METAP1D: variants seen among roughly 807,000 people sequenced by gnomAD.
METAP1D encodes methionyl aminopeptidase type 1D, mitochondrial, also known as methionine aminopeptidase 1D, mitochondrial.
METAP1D carries 31 observed loss-of-function variants against 40.5 expected under a neutral mutation model. That is an observed-to-expected ratio of 0.77 (90% confidence interval 0.58 to 1.03). The LOEUF is 1.03. Ranked by LOEUF, METAP1D falls within the 50% of genes least tolerant of loss-of-function variation. The probability of loss-of-function intolerance (pLI) is 0.00; values close to 1 mark genes in which losing one functional copy is unlikely to be tolerated. For missense variants in METAP1D, 411 were observed against 420.7 expected (o/e 0.98, Z 0.20); for synonymous variants, 151 against 146.4 (o/e 1.03, Z -0.22).
At chr2:172,001,773 A>G (rs1190600203) in intron 1 of METAP1D, among the ~76,000 whole-genome samples, 1 of 152,012 alleles carries the variant, frequency 6.6e-6, no homozygotes, top group African/African-American at 2.4e-5. Flanking sequence ...GCCTTGTGAA[A>G]AGACAGCCAA....
chr2:172,014,930 G>C (rs1036593120), intron 1 of METAP1D, among the ~76,000 whole-genome samples: 5 of 152,178 alleles, frequency 3.3e-5, no homozygotes, highest in African/African-American at 7.2e-5. Flanking sequence ...GGGATTACAG[G>C]CGTCAGCCAC....
At chr2:172,020,192 G>A (rs62183811) in intron 1 of METAP1D, among the ~76,000 whole-genome samples, 20,454 of 152,050 alleles carry the variant, frequency 0.13, 1,746 homozygotes, top group South Asian at 0.22. Flanking sequence ...TCACCATGTT[G>A]GCCAGGATGG....
At chr2:172,041,151 A>AAAAC (rs1263097750) in intron 1 of METAP1D, among the ~76,000 whole-genome samples, 2 of 152,046 alleles carry the variant, frequency 1.3e-5, no homozygotes, top group Non-Finnish European at 2.9e-5. Flanking sequence ...ATATAAAGCA[A>AAAAC]AAACAAACAA....
At chr2:172,040,540 TTAAGACATACTGC>T (rs2105433081) in intron 1 of METAP1D, among the ~76,000 whole-genome samples, 1 of 152,246 alleles carries the variant, frequency 6.6e-6, no homozygotes, top group South Asian at 2.1e-4. Context: ...TTCGAAAATT[TTAAGACATACTGC>T]TACTCCCAGG....
chr2:172,028,579 TG>T, intron 1 of METAP1D, among the ~76,000 whole-genome samples: 1 of 148,900 alleles, frequency 6.7e-6, no homozygotes, highest in South Asian at 2.1e-4. Flanking sequence ...TGTGTGTGTG[TG>T]TGTGTGTGTG....
chr2:172,069,165 T>C (rs1159079492), intron 5 of METAP1D, among the ~76,000 whole-genome samples: 1 of 152,050 alleles, frequency 6.6e-6, no homozygotes, highest in Non-Finnish European at 1.5e-5. Context: ...AATCCTCTCA[T>C]CCCAGCCTCC....
chr2:172,048,766 T>C (rs983145784), intron 1 of METAP1D, among the ~76,000 whole-genome samples: 6 of 152,236 alleles, frequency 3.9e-5, no homozygotes, highest in African/African-American at 1.4e-4. Flanking sequence ...TCAAATGTTT[T>C]ACACATCAAA....
At chr2:172,061,388 G>T in intron 1 of METAP1D, 110 bp from the exon 2 acceptor site, 2 of 938,188 alleles carry the variant, frequency 2.1e-6, no homozygotes, top group Non-Finnish European at 3.1e-6. Context: ...TCCTTTTTCA[G>T]TCAATAAGGT....
chr2:172,021,967 TAGTTTGC>T (rs1282020330), intron 1 of METAP1D: 1 of 152,274 alleles, frequency 6.6e-6, no homozygotes, highest in African/African-American at 2.4e-5. Flanking sequence ...TTCAACTTTG[TAGTTTGC>T]AGTTTGCATC....
intron 1 of METAP1D, among the ~76,000 whole-genome samples, chr2:172,041,727 TATATATATATATA>T (rs1410847352): frequency 1.4e-3 from 4 of 2,940 alleles, no homozygotes; most frequent in Non-Finnish European, 1.5e-3. Flanking sequence ...CTAATTATTT[TATATATATATATA>T]TATATATATA....
chr2:172,059,170 G>A (rs1433223453), intron 1 of METAP1D, among the ~76,000 whole-genome samples: 5 of 150,356 alleles, frequency 3.3e-5, no homozygotes, highest in African/African-American at 1.2e-4. Flanking sequence ...GTGCAGTGGC[G>A]CGATCTTGGC....
At chr2:172,065,071 A>T (rs1690220258) in intron 3 of METAP1D, among the ~76,000 whole-genome samples, 1 of 152,240 alleles carries the variant, frequency 6.6e-6, no homozygotes, top group South Asian at 2.1e-4. Flanking sequence ...TTAAAATCAA[A>T]TCTCTACAAA....
chr2:172,043,096 C>CAT (rs1240909940), intron 1 of METAP1D, among the ~76,000 whole-genome samples: 201 of 6,028 alleles, frequency 0.033, 12 homozygotes, highest in African/African-American at 0.042. Flanking sequence ...TATTTACATA[C>CAT]ATATATATAT....
chr2:172,075,661 A>G (rs941073444), intron 6 of METAP1D, among the ~76,000 whole-genome samples: 1 of 152,232 alleles, frequency 6.6e-6, no homozygotes, highest in Non-Finnish European at 1.5e-5. Flanking sequence ...AATAATAGAA[A>G]GGGAATGCTT....
intron 1 of METAP1D, among the ~76,000 whole-genome samples, chr2:172,012,389 G>C (rs1386025553): frequency 6.6e-6 from 1 of 152,146 alleles, no homozygotes; most frequent in Non-Finnish European, 1.5e-5. Context: ...GGCTGTTCTG[G>C]GGCTAGTGAG....
Position 172,080,783 on chromosome 2 carries a change from A to C in METAP1D, c.*377A>C. Reference sequence around the variant, plus strand: ...TAAATCCATTGTATCAGAGGTCCTTACCTCTCTGACAGTTACAGTGATCTT... The same window carrying C: ...TAAATCCATTGTATCAGAGGTCCTTCCCTCTCTGACAGTTACAGTGATCTT... On this transcript the variant is annotated 3_prime_UTR_variant, in exon 10 of 10. Coordinates refer to ENST00000315796, the MANE Select transcript of METAP1D (RefSeq NM_199227.3). The C allele has an allele frequency of 3.2e-6, 1 of 316,340 alleles. No homozygotes were observed. Among genetic ancestry groups the C allele is most frequent in the Non-Finnish European group, 5.9e-6 (1 of 168,348 alleles). 19.6% of individuals were successfully genotyped at this position (316,340 alleles called of 1,614,324 possible).
At chr2:172,033,396 C>T (rs1689286088) in intron 1 of METAP1D, among the ~76,000 whole-genome samples, 2 of 151,592 alleles carry the variant, frequency 1.3e-5, no homozygotes, top group Non-Finnish European at 2.9e-5. Flanking sequence ...CTCTGTCACC[C>T]AGGCCAGAGT....
chr2:172,014,511 C>A (rs935423710), intron 1 of METAP1D, among the ~76,000 whole-genome samples: 1 of 152,204 alleles, frequency 6.6e-6, no homozygotes, highest in African/African-American at 2.4e-5. Flanking sequence ...TCATTTGATT[C>A]AGAGGCATAG....
chr2:172,028,325 C>T (rs1689165658), intron 1 of METAP1D, among the ~76,000 whole-genome samples: 1 of 152,126 alleles, frequency 6.6e-6, no homozygotes, highest in Non-Finnish European at 1.5e-5. Context: ...AAGGGGGCCC[C>T]TGTGGCTGGC....
Sources: allele counts gnomAD v4.1 joint callset (sites outside exome capture counted in the v4.1 genomes callset), GRCh38; gene constraint gnomAD v4.1.1; transcripts MANE v1.5; gene names NCBI Gene and HGNC (gene_info 2026-07-23, HGNC 2026-07-21).